PEX6: variants seen among roughly 807,000 people sequenced by gnomAD.
PEX6 encodes the protein peroxisome biogenesis factor 6.
Under a neutral mutation model 85.6 loss-of-function variants are expected in PEX6, and 55 were observed. That is an observed-to-expected ratio of 0.64 (90% CI 0.52 to 0.80). The LOEUF (loss-of-function observed/expected upper bound fraction) is 0.80, where lower values mean the gene tolerates loss of function less well. Ranked by LOEUF, PEX6 falls within the 30% of genes least tolerant of loss-of-function variation. The pLI is 0.00. For synonymous variants in PEX6, 519 were observed against 549.1 expected, an observed-to-expected ratio of 0.95 and a Z score of 0.77; for missense variants, 1,099 against 1,260.3, an observed-to-expected ratio of 0.87 and a Z score of 1.94.
Position 42,968,950 on chromosome 6 carries a change from A to G in PEX6, c.1403T>C (p.Leu468Pro). 1 of 1,614,044 alleles carries G rather than the reference A, an allele frequency of 6.2e-7. No homozygotes were observed. The highest frequency in any genetic ancestry group is 1.1e-5 in the South Asian group (1 of 91,088). Residue 468 changes from leucine to proline, a missense_variant, in exon 6 of 17, where the codon CTA becomes CCA. By Grantham distance (98) the Leu-to-Pro change is moderately conservative. This residue lies in a region of PEX6 where 579 missense variants were observed against 611.6 expected (regional missense o/e 0.95). Transcript: ENST00000304611. ...CTTCCCACAGCCTGGGGGGCCCCGT[A>G]GAAGGACACTGCTAGTTCCTGTCAG... ...ALLTGTSSVL[L>P]RGPPGCGKTT...
chr6:42,975,596 G>A (rs559633450), intron 1 of PEX6, among the ~76,000 whole-genome samples: 1 of 152,108 alleles, frequency 6.6e-6, no homozygotes, highest in Admixed American at 6.6e-5. Flanking sequence ...CTGCCCAGTA[G>A]AACTCTCTAC....
At position 42,968,860 on chromosome 6, in the gene PEX6, C is replaced by A; in HGVS notation, c.1479+14G>T. ...GGGGAAGTAGCTGGGGTTCTACTCT[C>A]CAGAGACCCTCACCTTCAGTAAGTG... On this transcript the variant is annotated intron_variant, in intron 6 of 16. Coordinates refer to ENST00000304611, the MANE Select transcript of PEX6 (RefSeq NM_000287.4). 6.3e-7 allele frequency: 1 copy of A among 1,585,180 alleles called. No homozygotes were observed. The highest frequency in any genetic ancestry group is 1.1e-5 in the South Asian group (1 of 90,540).
chr6:42,975,245 C>T (rs1482758853), intron 1 of PEX6, among the ~76,000 whole-genome samples: 1 of 152,160 alleles, frequency 6.6e-6, no homozygotes, highest in African/African-American at 2.4e-5. Flanking sequence ...CCGACTCTGG[C>T]TCCAAAAAAT....
chr6:42,967,348 T>C lies in PEX6; in HGVS notation c.1884+20A>G. On this transcript the variant is annotated intron_variant, in intron 8 of 16. Transcript: ENST00000304611. The stretch of plus-strand genomic sequence containing the variant: ...CCAGGGACCTCCTAGGGAGGGCCAG[T>C]ACTCTCCCTTGATACTCACTGCACA... 6.2e-7 allele frequency: 1 copy of C among 1,605,614 alleles called. No individual in the cohort carries two copies. Among genetic ancestry groups the C allele is most frequent in the Non-Finnish European group, 8.5e-7 (1 of 1,174,928 alleles).
In PEX6 at chr6:42,965,491, C is replaced by T; in HGVS notation, c.2472-123G>A. On this transcript the variant is annotated intron_variant, in intron 13 of 16. Coordinates refer to ENST00000304611, the MANE Select transcript of PEX6 (RefSeq NM_000287.4). This position sits in a 1 kb window ranked among gnomAD's most constrained non-coding sequence, Gnocchi z 5.0. ...CTCCACTCAGCTGTGCCCAATGTGC[C>T]CCACCAGGTAGGCCCCCATTCTCCT... 1 of 923,012 alleles carries T rather than the reference C, an allele frequency of 1.1e-6. No individual in the cohort carries two copies. The highest frequency in any genetic ancestry group is 2.4e-5 in the East Asian group (1 of 41,808). 57.2% of individuals were successfully genotyped at this position (923,012 alleles called of 1,614,324 possible).
At position 42,968,281 on chromosome 6, in the gene PEX6, T is replaced by C; in HGVS notation, c.1688+9A>G. 6.2e-7 allele frequency: 1 copy of C among 1,612,812 alleles called. No individual in the cohort carries two copies. The highest frequency in any genetic ancestry group is 8.5e-7 in the Non-Finnish European group (1 of 1,178,956). On this transcript the variant is annotated intron_variant, in intron 7 of 16. Transcript: ENST00000304611. Reference sequence around the variant, plus strand: ...CCCAGCTTTGAGAGGCCCAGCTCTGTATAAGTACCTGTTGAGGGGGTCCTC... The same window carrying C: ...CCCAGCTTTGAGAGGCCCAGCTCTGCATAAGTACCTGTTGAGGGGGTCCTC...
At chr6:42,977,947 G>A (rs1410966294) in intron 1 of PEX6, among the ~76,000 whole-genome samples, 2 of 149,560 alleles carry the variant, frequency 1.3e-5, no homozygotes, top group East Asian at 4.1e-4. Context: ...AGGTTCAAGC[G>A]ATTCTCCTGC....
chr6:42,967,262 C>T lies in PEX6; in HGVS notation c.1884+106G>A, dbSNP rs1004849714. 5 of 1,148,764 alleles carry T rather than the reference C, an allele frequency of 4.4e-6. No individual in the cohort carries two copies. In the African/African-American group the frequency reaches 4.6e-5, roughly 11 times the overall value. 71.2% of individuals were successfully genotyped at this position (1,148,764 alleles called of 1,614,324 possible). On this transcript the variant is annotated intron_variant, in intron 8 of 16. Coordinates refer to ENST00000304611, the MANE Select transcript of PEX6 (RefSeq NM_000287.4). ...AGGATTACAGGCGTGAGCCACGGCG[C>T]CCGCGCTGGGTTTTCTACTCTCACT...
Position 42,965,614 on chromosome 6 carries a change from G to T in PEX6, c.2471+67C>A. 2 of 1,112,156 alleles carry T rather than the reference G, an allele frequency of 1.8e-6. No individual in the cohort carries two copies. The highest frequency in any genetic ancestry group is 2.8e-6 in the Non-Finnish European group (2 of 721,702). The allele number at this position is 1,112,156 out of a possible 1,614,324, so 68.9% of individuals were successfully genotyped here. A position where few individuals can be genotyped will look rare whatever the true frequency, so the allele number is the denominator to read the frequency against. On this transcript the variant is annotated intron_variant, in intron 13 of 16. Transcript: ENST00000304611. The surrounding 1 kb of genome is among the most constrained non-coding windows in gnomAD (Gnocchi z 5.0). Reference sequence around the variant, plus strand: ...CTTCTATCTCTGGACTCTGAAGACTGCTGTGAGCTTTCTCATATCCTTCCC... The same window carrying T: ...CTTCTATCTCTGGACTCTGAAGACTTCTGTGAGCTTTCTCATATCCTTCCC...
chr6:42,973,013 CTATT>C (rs1468826748), intron 3 of PEX6, among the ~76,000 whole-genome samples: 3 of 151,912 alleles, frequency 2.0e-5, no homozygotes, highest in African/African-American at 4.8e-5. Flanking sequence ...TAAATTTTAC[CTATT>C]TATTTATTTT....
intron 1 of PEX6, among the ~76,000 whole-genome samples, chr6:42,977,723 C>T (rs1291234830): frequency 1.7e-5 from 2 of 115,206 alleles, no homozygotes; most frequent in Non-Finnish European, 3.3e-5. Context: ...AAGCCGAGAT[C>T]GCATCACCAC....
At chr6:42,966,018 C>T (rs759417757) in intron 12 of PEX6, 26 bp downstream of exon 12, 59 of 1,611,248 alleles carry the variant, frequency 3.7e-5, no homozygotes, top group Non-Finnish European at 4.8e-5. Flanking sequence ...AAGCATGGGA[C>T]GCCCTGCCCC....
intron 1 of PEX6, among the ~76,000 whole-genome samples, chr6:42,976,113 C>T (rs895921524): frequency 2.0e-5 from 3 of 151,556 alleles, no homozygotes; most frequent in African/African-American, 4.9e-5. Flanking sequence ...AGGATGGTCT[C>T]AATCTCCTGA....
chr6:42,966,868 C>A lies in PEX6; in HGVS notation c.1885-10G>T. ...CCCCTACCACAAAGCCCTAGGGAAC[C>A]ACAGGAAAGGACACATGAGCAGGGC... On this transcript the variant is annotated splice_polypyrimidine_tract_variant and intron_variant, in intron 8 of 16. Coordinates refer to ENST00000304611, the MANE Select transcript of PEX6 (RefSeq NM_000287.4). 2.5e-6 allele frequency: 4 copies of A among 1,610,778 alleles called. No homozygotes were observed. Among genetic ancestry groups the A allele is most frequent in the Non-Finnish European group, 3.4e-6 (4 of 1,179,492 alleles).
At position 42,974,957 on chromosome 6, in the gene PEX6, G is replaced by C; in HGVS notation, c.964C>G (p.His322Asp). The part of the protein sequence containing the change: ...LPGPPFAREL[H>D]IEIVSSPHYS... ...TGGGGAGAAGACACAATTTCGATGT[G>C]TAACTCTCTGGCAAATGGAGGCCCA... is the stretch of plus-strand genomic sequence containing the variant. Residue 322 changes from histidine (H) to aspartate (D), a missense_variant, in exon 2 of 17, where the codon CAC becomes GAC. Physicochemically the swap from His to Asp is moderately conservative, Grantham distance 81. Coordinates refer to ENST00000304611, the MANE Select transcript of PEX6 (RefSeq NM_000287.4). The C allele has an allele frequency of 6.2e-7, 1 of 1,613,834 alleles. No homozygotes were observed.
At position 42,965,552 on chromosome 6, in the gene PEX6, C is replaced by G. The variant is rs1017258935; in HGVS notation, c.2471+129G>C. The G allele has an allele frequency of 1.3e-5, 12 of 909,706 alleles. No homozygotes were observed. The highest frequency in any genetic ancestry group is 2.0e-5 in the Non-Finnish European group (11 of 540,776). The allele number at this position is 909,706 out of a possible 1,614,324, so 56.4% of individuals were successfully genotyped here. On this transcript the variant is annotated intron_variant, in intron 13 of 16. Coordinates refer to ENST00000304611, the MANE Select transcript of PEX6 (RefSeq NM_000287.4). The surrounding 1 kb of genome is among the most constrained non-coding windows in gnomAD (Gnocchi z 5.0). ...TGCCCAATTTCATGGCCCCTTTCAG[C>G]TTCCATTATATTATCTCAGAACTGA...
At chr6:42,970,689 A>G (rs149727424) in intron 3 of PEX6, among the ~76,000 whole-genome samples, 9 of 152,302 alleles carry the variant, frequency 5.9e-5, no homozygotes, top group Non-Finnish European at 1.2e-4. Context: ...ATTGAATTGT[A>G]TACTTTAAAA....
chr6:42,964,448 G>A lies in PEX6; in HGVS notation c.2830C>T (p.Leu944=), dbSNP rs2063704023. 1.2e-6 allele frequency: 2 copies of A among 1,613,688 alleles called. No homozygotes were observed. Among genetic ancestry groups the A allele is most frequent in the African/African-American group, 2.7e-5 (2 of 74,946 alleles). ...AGCAAGTCCTCCATGGTGAGCATCA[G>A]TGCTGAGCTACCTGGCTCCAGCCCT... ...EEGLEPGSSA[L]MLTMEDLLQA... The change falls in exon 17 of 17, where the codon CTG becomes TTG. Residue 944 remains leucine (L), a synonymous_variant. Transcript: ENST00000304611. This position sits in a 1 kb window ranked among gnomAD's most constrained non-coding sequence, Gnocchi z 4.6.
Position 42,964,348 on chromosome 6 carries a change from A to G in PEX6, c.2930T>C (p.Phe977Ser). 1.2e-6 allele frequency: 2 copies of G among 1,613,754 alleles called. No individual in the cohort carries two copies. The highest frequency in any genetic ancestry group is 1.7e-6 in the Non-Finnish European group (2 of 1,179,984). Residue 977 changes from phenylalanine to serine, a missense_variant, in exon 17 of 17, where the codon TTT (phenylalanine) becomes TCT (serine). By Grantham distance (155) the Phe-to-Ser change is radical. This residue lies in a region of PEX6 where 514 missense variants were observed against 627.0 expected (regional missense o/e 0.82). Transcript: ENST00000304611. This position sits in a 1 kb window ranked among gnomAD's most constrained non-coding sequence, Gnocchi z 4.6. ...CCTGGGGGGCTCCTAGCAGGCAGCA[A>G]ACTTGCGCTGGATGCGCTTGTACCG... Reference protein sequence around the residue: ...LLRYKRIQRKFAAC With the variant: ...LLRYKRIQRKSAAC
Sources: allele counts gnomAD v4.1 joint callset (sites outside exome capture counted in the v4.1 genomes callset), GRCh38; gene constraint gnomAD v4.1.1; regional missense constraint gnomAD v4.1.1; non-coding constraint Gnocchi (gnomAD v3.1); transcripts MANE v1.5; gene names NCBI Gene and HGNC (gene_info 2026-07-23, HGNC 2026-07-21).